Variants in SLC9A9 observed in about 807,000 individuals in gnomAD.
SLC9A9 encodes the protein sodium/hydrogen exchanger 9.
SLC9A9 carries 62 observed loss-of-function variants against 77.8 expected under a neutral mutation model. The observed-to-expected ratio is 0.80, with a 90% CI of 0.65 to 0.98. SLC9A9 has a LOEUF of 0.98. Ranked by LOEUF, SLC9A9 falls within the 50% of genes least tolerant of loss-of-function variation. The pLI is 0.00. For missense variants in SLC9A9, 775 were observed against 774.9 expected (o/e 1.00, Z 0.00); for synonymous variants, 320 against 283.5 (o/e 1.13, Z -1.29).
intron 12 of SLC9A9, among the ~76,000 whole-genome samples, chr3:143,423,340 C>T (rs1378406757): frequency 6.6e-6 from 1 of 151,492 alleles, no homozygotes; most frequent in East Asian, 1.9e-4. Context: ...CAGCAGTGAG[C>T]ACACCTAGCA....
intron 5 of SLC9A9, among the ~76,000 whole-genome samples, chr3:143,654,200 A>G (rs2038848273): frequency 6.6e-6 from 1 of 152,222 alleles, no homozygotes; most frequent in Non-Finnish European, 1.5e-5. Flanking sequence ...TGATTTAGCT[A>G]TTCTGCAAGA....
At chr3:143,284,204 A>G (rs1289595715) in intron 14 of SLC9A9, among the ~76,000 whole-genome samples, 2 of 152,094 alleles carry the variant, frequency 1.3e-5, no homozygotes, top group Non-Finnish European at 2.9e-5. Flanking sequence ...ATTATTTACC[A>G]TTGCTTTGTA....
intron 14 of SLC9A9, among the ~76,000 whole-genome samples, chr3:143,269,849 G>A (rs1381221755): frequency 6.6e-6 from 1 of 152,196 alleles, no homozygotes; most frequent in Admixed American, 6.5e-5. Context: ...TCATTGGTTG[G>A]ATCATGAAGA....
intron 6 of SLC9A9, among the ~76,000 whole-genome samples, chr3:143,620,202 C>T (rs968672416): frequency 6.6e-5 from 10 of 152,104 alleles, no homozygotes; most frequent in African/African-American, 2.4e-4. Flanking sequence ...TCAAAATATA[C>T]CATATATCTG....
intron 4 of SLC9A9, among the ~76,000 whole-genome samples, chr3:143,794,005 A>C (rs764933441): frequency 6.6e-6 from 1 of 152,162 alleles, no homozygotes; most frequent in Non-Finnish European, 1.5e-5. Flanking sequence ...CACTGCCTTA[A>C]ACCATTCTGA....
chr3:143,299,036 T>C (rs959059580), intron 14 of SLC9A9, among the ~76,000 whole-genome samples: 46 of 152,332 alleles, frequency 3.0e-4, no homozygotes, highest in African/African-American at 1.1e-3. Context: ...TGTATTATTG[T>C]ATGCTCGGTT....
chr3:143,795,029 C>T lies in SLC9A9; in HGVS notation c.505G>A (p.Gly169Arg). Residue 169 changes from glycine (G) to arginine (R), a missense_variant, in exon 4 of 16, where the codon GGA becomes AGA. Coordinates refer to ENST00000316549, the MANE Select transcript of SLC9A9 (RefSeq NM_173653.4). ...ATGACGATGCAGGAGATGGCAGTTCCCAAGAAGGCATACGTTAAAATAGAT... is the reference window on the plus strand; with the variant it reads ...ATGACGATGCAGGAGATGGCAGTTCTCAAGAAGGCATACGTTAAAATAGAT... ...LGSILTYAFL[G>R]TAISCIVIGL... is the part of the protein sequence containing the mutation. 1 of 1,613,670 alleles carries T rather than the reference C, an allele frequency of 6.2e-7. No individual in the cohort carries two copies. Among genetic ancestry groups the T allele is most frequent in the Non-Finnish European group, 8.5e-7 (1 of 1,179,904 alleles).
intron 4 of SLC9A9, among the ~76,000 whole-genome samples, chr3:143,731,274 G>T (rs572537774): frequency 6.6e-6 from 1 of 152,198 alleles, no homozygotes; most frequent in Non-Finnish European, 1.5e-5. Flanking sequence ...GCAGCAGGGA[G>T]GAAGAAAGGT....
At chr3:143,593,361 C>G (rs2037689313) in intron 6 of SLC9A9, among the ~76,000 whole-genome samples, 2 of 152,324 alleles carry the variant, frequency 1.3e-5, no homozygotes, top group Non-Finnish European at 2.9e-5. Context: ...GATGGATAAG[C>G]TACCAGCTAG....
chr3:143,474,355 T>C (rs1318817661), intron 11 of SLC9A9, among the ~76,000 whole-genome samples: 1 of 152,156 alleles, frequency 6.6e-6, no homozygotes, highest in African/African-American at 2.4e-5. Flanking sequence ...TAATGCAAGA[T>C]AGTGATAGGA....
chr3:143,372,319 C>G (rs909405982), intron 13 of SLC9A9, among the ~76,000 whole-genome samples: 5 of 151,972 alleles, frequency 3.3e-5, no homozygotes, highest in Non-Finnish European at 7.4e-5. Flanking sequence ...ATTATACTAC[C>G]AAGGCTACAG....
chr3:143,516,268 A>G (rs2036201420), intron 9 of SLC9A9, among the ~76,000 whole-genome samples: 1 of 151,374 alleles, frequency 6.6e-6, no homozygotes, highest in African/African-American at 2.4e-5. Context: ...AAAATTGTCT[A>G]TTTTATTTGT....
At chr3:143,413,989 G>A (rs1333381165) in intron 12 of SLC9A9, among the ~76,000 whole-genome samples, 1 of 152,254 alleles carries the variant, frequency 6.6e-6, no homozygotes, top group Non-Finnish European at 1.5e-5. Context: ...AAGGGCCAGT[G>A]CCTGGCCCAG....
intron 14 of SLC9A9, among the ~76,000 whole-genome samples, chr3:143,287,763 C>T (rs1938422740): frequency 6.6e-6 from 1 of 152,158 alleles, no homozygotes; most frequent in South Asian, 2.1e-4. Flanking sequence ...CAGACCTTCT[C>T]ACTGTAATTA....
intron 11 of SLC9A9, among the ~76,000 whole-genome samples, chr3:143,472,375 G>A (rs989584237): frequency 6.6e-6 from 1 of 152,164 alleles, no homozygotes; most frequent in African/African-American, 2.4e-5. Flanking sequence ...AGCATTTAAG[G>A]CACTGAAATA....
chr3:143,634,485 T>G (rs1469188133), intron 6 of SLC9A9, among the ~76,000 whole-genome samples: 1 of 152,156 alleles, frequency 6.6e-6, no homozygotes, highest in African/African-American at 2.4e-5. Context: ...TCTAGTGTCT[T>G]TTGTCTCTTT....
chr3:143,653,895 C>T (rs2038842866), intron 5 of SLC9A9, among the ~76,000 whole-genome samples: 1 of 152,116 alleles, frequency 6.6e-6, no homozygotes, highest in African/African-American at 2.4e-5. Flanking sequence ...GTGCCACAAG[C>T]CCTTAGCACA....
chr3:143,317,260 A>T (rs1411553462), intron 14 of SLC9A9, among the ~76,000 whole-genome samples: 1 of 152,148 alleles, frequency 6.6e-6, no homozygotes, highest in African/African-American at 2.4e-5. Context: ...CAGGTCCACC[A>T]AGAAATGAGA....
intron 6 of SLC9A9, among the ~76,000 whole-genome samples, chr3:143,619,833 C>T (rs7650491): frequency 6.6e-6 from 1 of 152,164 alleles, no homozygotes; most frequent in Non-Finnish European, 1.5e-5. Flanking sequence ...TAATAAATAC[C>T]ATTTTCATCA....
Sources: allele counts gnomAD v4.1 joint callset (sites outside exome capture counted in the v4.1 genomes callset), GRCh38; gene constraint gnomAD v4.1.1; transcripts MANE v1.5; gene names NCBI Gene and HGNC (gene_info 2026-07-23, HGNC 2026-07-21).